RSU1: variants seen among roughly 807,000 people sequenced by gnomAD.
The protein encoded by RSU1 is Ras suppressor protein 1.
Under a neutral mutation model 31.1 loss-of-function variants are expected in RSU1, and 26 were observed. The ratio of observed to expected loss-of-function variants is 0.84; its 90% CI spans 0.61 to 1.16. The LOEUF is 1.16. RSU1 is among the 50% of genes most tolerant of loss of function. RSU1 has a pLI of 0.00. For missense variants in RSU1, 320 were observed against 339.1 expected, an observed-to-expected ratio of 0.94 and a Z score of 0.44; for synonymous variants, 164 against 136.3, an observed-to-expected ratio of 1.20 and a Z score of -1.41.
intron 8 of RSU1, among the ~76,000 whole-genome samples, chr10:16,664,685 C>T (rs912589401): frequency 1.3e-5 from 2 of 152,294 alleles, no homozygotes; most frequent in African/African-American, 4.8e-5. Context: ...TTATCTGAGA[C>T]TTCTTTGAAC....
chr10:16,728,769 A>G (rs1836446299), intron 7 of RSU1, among the ~76,000 whole-genome samples: 1 of 152,156 alleles, frequency 6.6e-6, no homozygotes, highest in African/African-American at 2.4e-5. Flanking sequence ...TGAGAGGAGA[A>G]TGCAATGTGA....
At chr10:16,811,716 G>T (rs1838414106) in intron 2 of RSU1, among the ~76,000 whole-genome samples, 1 of 152,196 alleles carries the variant, frequency 6.6e-6, no homozygotes, top group South Asian at 2.1e-4. Flanking sequence ...GTTCCATCTT[G>T]TTCCTGATAG....
chr10:16,801,450 T>C lies in RSU1; in HGVS notation c.109+15523A>G, dbSNP rs188104859. ...AAATCCGCTATTATACTTGGAGACG[T>C]CAAGACTCCACTCTATCAGTAATTG... On this transcript the variant is annotated intron_variant, in intron 2 of 8. Transcript: ENST00000345264. Among the ~76,000 whole-genome samples the C allele has an allele frequency of 7.6e-4, 116 of 152,270 alleles. 1 individual carries two copies. The highest frequency in any genetic ancestry group is 7.5e-3 in the Admixed American group (114 of 15,298).
chr10:16,715,337 G>A (rs192601862), intron 7 of RSU1, among the ~76,000 whole-genome samples: 11 of 152,100 alleles, frequency 7.2e-5, no homozygotes, highest in Admixed American at 5.2e-4. Flanking sequence ...TTTTTCTTTT[G>A]TTGTCTGTGC....
chr10:16,624,518 G>T (rs1469788827), intron 8 of RSU1, among the ~76,000 whole-genome samples: 1 of 151,978 alleles, frequency 6.6e-6, no homozygotes, highest in Non-Finnish European at 1.5e-5. Flanking sequence ...CCACCCTTGT[G>T]CCCCAGACTC....
chr10:16,802,887 T>TA (rs977558187), intron 2 of RSU1, among the ~76,000 whole-genome samples: 2 of 152,094 alleles, frequency 1.3e-5, no homozygotes. Flanking sequence ...CTCAACTTAA[T>TA]AAAAAATATC....
chr10:16,730,395 C>T (rs1162233846), intron 7 of RSU1, among the ~76,000 whole-genome samples: 1 of 152,264 alleles, frequency 6.6e-6, no homozygotes, highest in East Asian at 1.9e-4. Flanking sequence ...ACCATGTGAA[C>T]AAACCCAAGC....
intron 8 of RSU1, among the ~76,000 whole-genome samples, chr10:16,613,396 G>A (rs1364294448): frequency 6.6e-6 from 1 of 152,204 alleles, no homozygotes; most frequent in Non-Finnish European, 1.5e-5. Context: ...TTCAGAGACT[G>A]TGTGGGTTCA....
intron 7 of RSU1, among the ~76,000 whole-genome samples, chr10:16,746,821 A>G (rs1836865221): frequency 1.3e-5 from 2 of 152,230 alleles, no homozygotes; most frequent in African/African-American, 4.8e-5. Context: ...AGAACAAAAA[A>G]GGGGTGAAAG....
At chr10:16,635,560 C>CT (rs1479464548) in intron 8 of RSU1, among the ~76,000 whole-genome samples, 1 of 152,250 alleles carries the variant, frequency 6.6e-6, no homozygotes, top group Non-Finnish European at 1.5e-5. Context: ...CCTCCACTGG[C>CT]ATTCAAGATC....
intron 8 of RSU1, among the ~76,000 whole-genome samples, chr10:16,618,382 T>G (rs1834014683): frequency 6.6e-6 from 1 of 152,096 alleles, no homozygotes; most frequent in African/African-American, 2.4e-5. Flanking sequence ...TTGGTGGGAG[T>G]GTAAATTAGT....
intron 7 of RSU1, among the ~76,000 whole-genome samples, chr10:16,702,798 TG>T (rs1835820211): frequency 6.6e-6 from 1 of 152,148 alleles, no homozygotes; most frequent in Non-Finnish European, 1.5e-5. Flanking sequence ...GGGGGACAGT[TG>T]GGAAGGCATG....
At position 16,782,048 on chromosome 10, in the gene RSU1, T is replaced by C. The variant is rs1198823546; in HGVS notation, c.146A>G (p.His49Arg). ...LSHITQLVLSHNKLTMVPPNI... is the reference protein window; with the variant it reads ...LSHITQLVLSRNKLTMVPPNI... ...ACATCACTTACTTGTTAGCTTGTTA[T>C]GGCTGAGGACCAGTTGTGTGATATG... The change falls in exon 3 of 9, where the codon CAT becomes CGT. Residue 49 changes from histidine to arginine, a missense_variant. Transcript: ENST00000345264. The C allele has an allele frequency of 5.0e-6, 8 of 1,613,128 alleles. No homozygotes were observed. The highest frequency in any genetic ancestry group is 1.7e-5 in the Admixed American group (1 of 59,948).
At chr10:16,761,921 T>C (rs1390708545) in intron 4 of RSU1, among the ~76,000 whole-genome samples, 2 of 152,070 alleles carry the variant, frequency 1.3e-5, no homozygotes, top group Non-Finnish European at 2.9e-5. Context: ...AACTTGTAAG[T>C]CTGAGAAATT....
chr10:16,817,239 T>TGGGGTAGGGCTGG, intron 1 of RSU1, 76 bp downstream of exon 1: 1 of 607,102 alleles, frequency 1.6e-6, no homozygotes, highest in Non-Finnish European at 3.0e-6. Flanking sequence ...GGGGAGGGGA[T>TGGGGTAGGGCTGG]GGAGTGGGAA....
At chr10:16,785,429 TATATATATATACAC>T (rs1837758205) in intron 2 of RSU1, among the ~76,000 whole-genome samples, 1 of 93,148 alleles carries the variant, frequency 1.1e-5, no homozygotes, top group African/African-American at 6.8e-5. Flanking sequence ...CATATATACA[TATATATATATACAC>T]ATATATACAT....
At chr10:16,787,095 A>G (rs1236888814) in intron 2 of RSU1, among the ~76,000 whole-genome samples, 1 of 152,114 alleles carries the variant, frequency 6.6e-6, no homozygotes, top group Non-Finnish European at 1.5e-5. Context: ...CCTGACACCA[A>G]GATTCCTTGG....
chr10:16,624,237 G>A (rs1226740280), intron 8 of RSU1, among the ~76,000 whole-genome samples: 1 of 152,014 alleles, frequency 6.6e-6, no homozygotes, highest in Non-Finnish European at 1.5e-5. Flanking sequence ...TGTGAACAGA[G>A]TCAACAATAT....
chr10:16,646,409 T>A (rs1388142402), intron 8 of RSU1, among the ~76,000 whole-genome samples: 1 of 152,110 alleles, frequency 6.6e-6, no homozygotes, highest in Non-Finnish European at 1.5e-5. Flanking sequence ...TCCTTCTTGG[T>A]TCAATGACTG....
Sources: allele counts gnomAD v4.1 joint callset (sites outside exome capture counted in the v4.1 genomes callset), GRCh38; gene constraint gnomAD v4.1.1; transcripts MANE v1.5; gene names NCBI Gene and HGNC (gene_info 2026-07-23, HGNC 2026-07-21).